FHL2: variants seen among roughly 807,000 people sequenced by gnomAD.
FHL2 encodes four and a half LIM domains protein 2.
A neutral mutation model predicts 32.7 loss-of-function variants in FHL2; 20 were observed. The observed-to-expected ratio is 0.61, with a 90% CI of 0.43 to 0.89. The LOEUF is 0.89. Ranked by LOEUF, FHL2 falls within the 40% of genes least tolerant of loss-of-function variation. The pLI, the probability that FHL2 is intolerant of heterozygous loss-of-function variation, is 0.00. For missense variants in FHL2, 311 were observed against 358.6 expected (o/e 0.87, Z 1.07); for synonymous variants, 123 against 128.1 (o/e 0.96, Z 0.27).
chr2:105,430,218 T>G (rs969740919), intron 1 of FHL2, among the ~76,000 whole-genome samples: 6 of 152,148 alleles, frequency 3.9e-5, no homozygotes, highest in Non-Finnish European at 8.8e-5. Context: ...CACCCCAAAG[T>G]GTGGCGCTGT....
At chr2:105,368,115 G>A (rs1369565986) in intron 4 of FHL2, among the ~76,000 whole-genome samples, 3 of 152,182 alleles carry the variant, frequency 2.0e-5, no homozygotes, top group African/African-American at 7.2e-5. Flanking sequence ...TTGGAGTCTA[G>A]GGACTGTATT....
chr2:105,386,041 G>C (rs1387021689), intron 3 of FHL2: 4 of 423,782 alleles, frequency 9.4e-6, no homozygotes, highest in Non-Finnish European at 1.7e-5. Context: ...AAGAGGAAGA[G>C]AGCACCACCC....
intron 2 of FHL2, among the ~76,000 whole-genome samples, chr2:105,391,328 C>T (rs1166415021): frequency 4.6e-5 from 7 of 152,252 alleles, no homozygotes; most frequent in South Asian, 2.1e-4. Flanking sequence ...TTACTCAGTG[C>T]GTGCTGGAGG....
In FHL2 at chr2:105,390,186, G is replaced by A. The variant is rs554086622; in HGVS notation, c.-24-3646C>T. The A allele has an allele frequency of 7.5e-4, 117 of 156,782 alleles. 1 individual carries two copies. Among genetic ancestry groups the A allele is most frequent in the African/African-American group, 2.5e-3 (106 of 41,588 alleles). 9.7% of individuals were successfully genotyped at this position (156,782 alleles called of 1,614,324 possible). The stretch of plus-strand genomic sequence containing the variant: ...GTAGAGCTTGCAGTGAGCTGAGATC[G>A]TGCCACTGCACTCCAGCCTGGGCGA... On this transcript the variant is annotated intron_variant, in intron 2 of 6. Coordinates refer to ENST00000530340, the MANE Select transcript of FHL2 (RefSeq NM_001318895.3).
chr2:105,437,166 A>G (rs1684637754), intron 1 of FHL2, among the ~76,000 whole-genome samples: 1 of 152,220 alleles, frequency 6.6e-6, no homozygotes, highest in Admixed American at 6.5e-5. Flanking sequence ...TTTTCATGGA[A>G]GTTATGCATT....
At chr2:105,383,070 G>A (rs1388969859) in intron 3 of FHL2, among the ~76,000 whole-genome samples, 4 of 152,160 alleles carry the variant, frequency 2.6e-5, no homozygotes, top group Non-Finnish European at 2.9e-5. Flanking sequence ...ATTTTTAGTA[G>A]AGACGGGGTT....
chr2:105,369,367 C>T (rs142296230), intron 4 of FHL2, among the ~76,000 whole-genome samples: 2 of 152,266 alleles, frequency 1.3e-5, no homozygotes, highest in African/African-American at 4.8e-5. Flanking sequence ...GAAAGTTGGT[C>T]ATGAAATGTC....
intron 2 of FHL2, among the ~76,000 whole-genome samples, chr2:105,395,899 A>C (rs904186518): frequency 2.0e-5 from 3 of 152,168 alleles, no homozygotes; most frequent in Non-Finnish European, 4.4e-5. Flanking sequence ...GTGAAGTCTA[A>C]GTTCACACCA....
downstream of FHL2, chr2:105,360,037 G>T (rs1291100125): frequency 6.6e-6 from 1 of 152,386 alleles, no homozygotes; most frequent in Non-Finnish European, 1.5e-5. Flanking sequence ...GGGTGCGGTG[G>T]CTCATGCCTA....
chr2:105,411,640 G>C (rs1309706273), intron 1 of FHL2, among the ~76,000 whole-genome samples: 1 of 138,514 alleles, frequency 7.2e-6, no homozygotes, highest in Non-Finnish European at 1.5e-5. Flanking sequence ...AGGAATTCAA[G>C]ACCAGCCTGA....
intron 3 of FHL2, 56 bp from the exon 4 acceptor site, chr2:105,373,789 A>G (rs970342682): frequency 2.5e-6 from 4 of 1,588,574 alleles, no homozygotes; most frequent in African/African-American, 1.3e-5. Context: ...GCTTGGACCC[A>G]CAGCATAGGG....
At chr2:105,399,412 C>G (rs909811209), upstream of FHL2, 5 of 1,535,988 alleles carry the variant, frequency 3.3e-6, no homozygotes, top group Admixed American at 2.0e-5. Context: ...AGCCCCAGGA[C>G]GTGCCGGGGG....
chr2:105,419,405 A>G (rs1168216839), intron 1 of FHL2, among the ~76,000 whole-genome samples: 1 of 152,160 alleles, frequency 6.6e-6, no homozygotes, highest in Non-Finnish European at 1.5e-5. Context: ...CATCATTTGT[A>G]TAAGGATTGT....
intron 1 of FHL2, among the ~76,000 whole-genome samples, chr2:105,406,455 C>CT (rs10655752): frequency 0.49 from 69,114 of 141,352 alleles, 17,086 homozygotes; most frequent in African/African-American, 0.59. Flanking sequence ...TTTTTCTTAT[C>CT]TTTTTTTTTT....
At chr2:105,368,659 C>T (rs1258869813) in intron 4 of FHL2, among the ~76,000 whole-genome samples, 4 of 152,230 alleles carry the variant, frequency 2.6e-5, no homozygotes. Context: ...CCTGCCACCA[C>T]CAAGCTGGAC....
At chr2:105,377,922 G>A in intron 3 of FHL2, 1 of 401,010 alleles carries the variant, frequency 2.5e-6, no homozygotes, top group Non-Finnish European at 5.1e-6. Context: ...TACGCCCAGA[G>A]GGGTGGCAAG....
At chr2:105,413,614 C>T (rs187816961) in intron 1 of FHL2, among the ~76,000 whole-genome samples, 86 of 152,280 alleles carry the variant, frequency 5.6e-4, no homozygotes, top group Non-Finnish European at 1.0e-3. Flanking sequence ...GCTGGGACCA[C>T]AGGTGCTCCA....
chr2:105,366,810 A>G (rs1383345003), intron 5 of FHL2, among the ~76,000 whole-genome samples: 3 of 152,098 alleles, frequency 2.0e-5, no homozygotes, highest in Non-Finnish European at 2.9e-5. Flanking sequence ...CAGTGGTGGG[A>G]TCTTGGCTCA....
At chr2:105,400,133 A>G (rs1234212195), upstream of FHL2, among the ~76,000 whole-genome samples, 1 of 152,160 alleles carries the variant, frequency 6.6e-6, no homozygotes, top group Non-Finnish European at 1.5e-5. Context: ...ACACTCCTTT[A>G]AGGTAAAGAT....
Sources: gnomAD v4.1 joint callset for allele counts (sites outside exome capture counted in the v4.1 genomes callset) on GRCh38, gnomAD v4.1.1 for gene constraint, MANE v1.5 for transcripts, NCBI Gene and HGNC (gene_info 2026-07-23, HGNC 2026-07-21) for gene names.